The following DCLK1 variants were observed in gnomAD, a reference collection of about 807,000 sequenced individuals.
DCLK1 encodes serine/threonine-protein kinase DCLK1.
A neutral mutation model predicts 86.2 loss-of-function variants in DCLK1; 16 were observed. The observed-to-expected ratio is 0.19, with a 90% CI of 0.13 to 0.28. The LOEUF is 0.28. Ranked by LOEUF, DCLK1 falls within the 10% of genes least tolerant of loss-of-function variation. The probability of loss-of-function intolerance (pLI) is 1.00; values close to 1 mark genes in which losing one functional copy is unlikely to be tolerated. For synonymous variants in DCLK1, 369 were observed against 370.5 expected (o/e 1.00, Z 0.05); for missense variants, 590 against 940.2 (o/e 0.63, Z 4.87).
At chr13:36,004,399 G>C (rs1015233710) in intron 3 of DCLK1, among the ~76,000 whole-genome samples, 26 of 152,216 alleles carry the variant, frequency 1.7e-4, no homozygotes, top group Admixed American at 2.6e-4. Context: ...CCTAAAACAG[G>C]ACCTGGCACA....
intron 3 of DCLK1, among the ~76,000 whole-genome samples, chr13:36,108,651 C>T (rs1885493973): frequency 6.6e-6 from 1 of 152,194 alleles, no homozygotes. Flanking sequence ...ATCTACAAAA[C>T]CATCTTCCTC....
intron 11 of DCLK1, among the ~76,000 whole-genome samples, chr13:35,812,822 CA>C (rs956482294): frequency 2.6e-4 from 39 of 152,294 alleles, no homozygotes; most frequent in African/African-American, 9.1e-4. Flanking sequence ...GTTGTTAGGG[CA>C]AAAACAGCCA....
In DCLK1 at chr13:35,952,286, G is replaced by A. The variant is rs1055487961; in HGVS notation, c.724-4829C>T. 2.6e-5 allele frequency among the ~76,000 whole-genome samples: 4 copies of A among 152,234 alleles called. No homozygotes were observed. In the South Asian group the frequency reaches 6.2e-4, roughly 24 times the overall value. On this transcript the variant is annotated intron_variant, in intron 3 of 16. Transcript: ENST00000360631. ...GATTTGAAGAAAATGTAGCAAACGC[G>A]TGCCTATTCTTGCTTTGGGAATAAG...
intron 4 of DCLK1, among the ~76,000 whole-genome samples, chr13:35,896,463 G>C (rs1402605924): frequency 6.9e-6 from 1 of 145,662 alleles, no homozygotes; most frequent in African/African-American, 2.5e-5. Context: ...GCTTGAACTC[G>C]GAAGCCGGAG....
intron 4 of DCLK1, among the ~76,000 whole-genome samples, chr13:35,896,453 G>T (rs901853970): frequency 1.4e-5 from 2 of 145,646 alleles, no homozygotes; most frequent in Non-Finnish European, 3.0e-5. Context: ...CAGGAGAATC[G>T]CTTGAACTCG....
At chr13:35,932,940 A>T (rs1259265632) in intron 4 of DCLK1, among the ~76,000 whole-genome samples, 2 of 152,236 alleles carry the variant, frequency 1.3e-5, no homozygotes, top group African/African-American at 4.8e-5. Flanking sequence ...CTCATCTGAG[A>T]CAAGGCAAGT....
Position 35,843,658 on chromosome 13 carries a change from CA to C in DCLK1, c.1036-4483del, listed in dbSNP as rs1423847373. 2.0e-5 allele frequency among the ~76,000 whole-genome samples: 3 copies of C among 152,284 alleles called. No homozygotes were observed. The East Asian group carries it at 5.8e-4, about 29-fold the overall frequency. On this transcript the variant is annotated intron_variant, in intron 6 of 16. Transcript: ENST00000360631. ...ATCCAATTAAGAGAATTGATCTAAT[CA>C]AGGTAGAAAAATCTCACCACACAAC...
intron 15 of DCLK1, among the ~76,000 whole-genome samples, chr13:35,803,183 C>A (rs980538589): frequency 6.6e-6 from 1 of 152,186 alleles, no homozygotes; most frequent in African/African-American, 2.4e-5. Flanking sequence ...GAGAAAATCA[C>A]CCTGCATAGC....
chr13:35,788,266 A>T (rs1241994524), intron 16 of DCLK1: 1 of 1,613,892 alleles, frequency 6.2e-7, no homozygotes, highest in East Asian at 2.2e-5. Flanking sequence ...TGATCTCTTG[A>T]TGGTAAACCC....
chr13:35,871,081 G>C, intron 5 of DCLK1, 143 bp downstream of exon 5: 1 of 641,326 alleles, frequency 1.6e-6, no homozygotes, highest in Non-Finnish European at 2.6e-6. Flanking sequence ...CAGCAAATCT[G>C]TTCAACCGCT....
intron 4 of DCLK1, among the ~76,000 whole-genome samples, chr13:35,923,007 C>T (rs1327724768): frequency 6.6e-6 from 1 of 152,186 alleles, no homozygotes; most frequent in Non-Finnish European, 1.5e-5. Context: ...TCCTGGTTAC[C>T]TTTCCTTGTT....
intron 1 of DCLK1, among the ~76,000 whole-genome samples, chr13:36,129,382 G>T (rs988175977): frequency 6.6e-6 from 1 of 152,162 alleles, no homozygotes; most frequent in African/African-American, 2.4e-5. Flanking sequence ...TGGATCACAG[G>T]TTCATCCAGG....
At chr13:36,120,723 T>A (rs1033433355) in intron 2 of DCLK1, among the ~76,000 whole-genome samples, 1 of 152,068 alleles carries the variant, frequency 6.6e-6, no homozygotes, top group South Asian at 2.1e-4. Flanking sequence ...GGAGAGGCAA[T>A]GCACAGAAAA....
chr13:35,974,269 C>T (rs1879213995), intron 3 of DCLK1, among the ~76,000 whole-genome samples: 1 of 152,154 alleles, frequency 6.6e-6, no homozygotes, highest in Non-Finnish European at 1.5e-5. Flanking sequence ...GACCTTGACA[C>T]AGATGATTAC....
chr13:35,811,094 G>A, intron 11 of DCLK1, 126 bp from the exon 12 acceptor site: 5 of 1,178,274 alleles, frequency 4.2e-6, no homozygotes, highest in Non-Finnish European at 6.0e-6. Context: ...AGGCAATTAT[G>A]CAAGAATGGA....
intron 3 of DCLK1, among the ~76,000 whole-genome samples, chr13:36,014,079 G>A (rs542052933): frequency 7.4e-4 from 113 of 152,274 alleles, no homozygotes; most frequent in Admixed American, 1.1e-3. Context: ...CGCACGGTGC[G>A]CGCACCCACT....
At chr13:35,925,995 G>C (rs1267680797) in intron 4 of DCLK1, among the ~76,000 whole-genome samples, 1 of 152,082 alleles carries the variant, frequency 6.6e-6, no homozygotes, top group Non-Finnish European at 1.5e-5. Flanking sequence ...CAGAGCTAGG[G>C]GTGAGAGTTA....
chr13:35,990,868 A>C (rs1454607342), intron 3 of DCLK1, among the ~76,000 whole-genome samples: 1 of 152,180 alleles, frequency 6.6e-6, no homozygotes, highest in Non-Finnish European at 1.5e-5. Flanking sequence ...TCTCTTGTAC[A>C]TAATGTCTAC....
chr13:36,057,639 T>G (rs1883386182), intron 3 of DCLK1, among the ~76,000 whole-genome samples: 1 of 152,190 alleles, frequency 6.6e-6, no homozygotes, highest in Non-Finnish European at 1.5e-5. Flanking sequence ...AAATTATTTG[T>G]AGTTTCAGCC....
Sources: gnomAD v4.1 joint callset for allele counts (sites outside exome capture counted in the v4.1 genomes callset) on GRCh38, gnomAD v4.1.1 for gene constraint, MANE v1.5 for transcripts, NCBI Gene and HGNC (gene_info 2026-07-23, HGNC 2026-07-21) for gene names.